Variants in WNT5B observed in about 807,000 individuals in gnomAD.
WNT5B encodes Wnt family member 5B.
In WNT5B, 18 loss-of-function variants were observed where a neutral mutation model predicts 36.5. The observed-to-expected ratio is 0.49, with a 90% CI of 0.34 to 0.73. The LOEUF is 0.73. Among genes scored for constraint, WNT5B ranks in the 30% least tolerant of loss-of-function variants. The pLI, the probability that WNT5B is intolerant of heterozygous loss-of-function variation, is 0.01. For synonymous variants in WNT5B, 213 were observed against 212.3 expected (o/e 1.00, Z -0.03); for missense variants, 424 against 508.4 (o/e 0.83, Z 1.60).
chr12:1,623,478 A>G (rs2094537144), intron 1 of WNT5B, among the ~76,000 whole-genome samples: 1 of 152,022 alleles, frequency 6.6e-6, no homozygotes, highest in Non-Finnish European at 1.5e-5. Flanking sequence ...TACAGGCTTG[A>G]GCCACCGCGC....
At chr12:1,626,569 ATT>A (rs1161632450), upstream of WNT5B, among the ~76,000 whole-genome samples, 1 of 116,940 alleles carries the variant, frequency 8.6e-6, no homozygotes, top group African/African-American at 3.1e-5. Context: ...GGCCAAGTGT[ATT>A]TTTTTTTTTT....
At position 1,646,325 on chromosome 12, in the gene WNT5B, C is replaced by T; in HGVS notation, c.*73C>T. ...CTATATTATATAAATCTATATAAAT[C>T]TATTTTATATTTGTATAAGTAAATG... On this transcript the variant is annotated 3_prime_UTR_variant, in exon 5 of 5. Transcript: ENST00000397196. 1 of 1,205,102 alleles carries T rather than the reference C, an allele frequency of 8.3e-7. No homozygotes were observed. The highest frequency in any genetic ancestry group is 2.2e-5 in the South Asian group (1 of 44,984). The allele number at this position is 1,205,102 out of a possible 1,614,324, so 74.7% of individuals were successfully genotyped here.
chr12:1,629,151 T>A (rs1388821838), upstream of WNT5B: 2 of 152,086 alleles, frequency 1.3e-5, no homozygotes, highest in African/African-American at 4.8e-5. Context: ...TCTCCATATA[T>A]GTTTATAAGG....
At chr12:1,625,007 T>G (rs1022056573), upstream of WNT5B, among the ~76,000 whole-genome samples, 4 of 151,994 alleles carry the variant, frequency 2.6e-5, no homozygotes, top group Non-Finnish European at 4.4e-5. Context: ...TAGTTTAATA[T>G]CTGGATTGCT....
chr12:1,635,183 C>T (rs985365655), intron 3 of WNT5B, among the ~76,000 whole-genome samples: 2 of 152,170 alleles, frequency 1.3e-5, no homozygotes, highest in Admixed American at 6.5e-5. Context: ...AGGCAGGCAG[C>T]GCACCGGAGG....
Position 1,631,283 on chromosome 12 carries a change from TTC to T in WNT5B, c.-57-13_-57-12del. On this transcript the variant is annotated splice_polypyrimidine_tract_variant and intron_variant, in intron 1 of 4. Transcript: ENST00000397196. ...CTGAGTTTCCACACTGACTCTCCAT[TTC>T]TGTTTTCTCCAGGGAACCCTACTCT... 6.3e-7 allele frequency: 1 copy of T among 1,593,154 alleles called. No individual in the cohort carries two copies.
At chr12:1,626,183 T>A (rs1055577624), upstream of WNT5B, among the ~76,000 whole-genome samples, 1 of 152,038 alleles carries the variant, frequency 6.6e-6, no homozygotes, top group Non-Finnish European at 1.5e-5. Context: ...GGTCTTGAAC[T>A]CCTGGGCTCA....
At position 1,632,906 on chromosome 12, in the gene WNT5B, G is replaced by A; in HGVS notation, c.328+1G>A. 6.2e-7 allele frequency: 1 copy of A among 1,604,628 alleles called. No individual in the cohort carries two copies. The highest frequency in any genetic ancestry group is 8.5e-7 in the Non-Finnish European group (1 of 1,172,528). ...GTCTTTGGGAGAGTCATGCAGATAG[G>A]TAAGAGGCCATTACAAGAGGGCTCG... On this transcript the variant is annotated splice_donor_variant, in intron 3 of 4. Coordinates refer to ENST00000397196, the MANE Select transcript of WNT5B (RefSeq NM_032642.3). LOFTEE classifies it high-confidence loss of function. The surrounding 1 kb of genome is among the most constrained non-coding windows in gnomAD (Gnocchi z 5.8).
chr12:1,639,304 A>AT (rs1223872397), intron 3 of WNT5B, among the ~76,000 whole-genome samples: 5 of 151,360 alleles, frequency 3.3e-5, no homozygotes, highest in Non-Finnish European at 5.9e-5. Context: ...CGCCCGGCTA[A>AT]TTTTTTGTAT....
chr12:1,635,455 A>C (rs77464112), intron 3 of WNT5B, among the ~76,000 whole-genome samples: 4,207 of 152,382 alleles, frequency 0.028, 85 homozygotes, highest in Non-Finnish European at 0.041. Context: ...GCAGAGTGCA[A>C]GTGCAGCAGG....
rs773205266 is a variant in WNT5B, at chr12:1,646,131, G to A, written c.959G>A (p.Gly320Glu). 1.2e-6 allele frequency: 2 copies of A among 1,613,828 alleles called. No homozygotes were observed. Among genetic ancestry groups the A allele is most frequent in the Admixed American group, 1.7e-5 (1 of 60,010 alleles). Residue 320 changes from glycine (G) to glutamate (E), a missense_variant, in exon 5 of 5, where the codon GGG (glycine) becomes GAG (glutamate). By Grantham distance (98) the Gly-to-Glu change is moderately conservative. Transcript: ENST00000397196. ...GATGGCTGTGAGCTCATGTGCTGCGGGCGTGGCTACAACCAGTTCAAGAGC... is the reference window on the plus strand; with the variant it reads ...GATGGCTGTGAGCTCATGTGCTGCGAGCGTGGCTACAACCAGTTCAAGAGC... ...GMDGCELMCCGRGYNQFKSVQ... is the reference protein window; with the variant it reads ...GMDGCELMCCERGYNQFKSVQ...
chr12:1,637,202 T>C (rs2094563420), intron 3 of WNT5B, among the ~76,000 whole-genome samples: 1 of 152,212 alleles, frequency 6.6e-6, no homozygotes, highest in East Asian at 1.9e-4. Flanking sequence ...ACATTTTGAT[T>C]ACCCATTTAT....
rs576177864 is a variant in WNT5B at position 1,623,243 on chromosome 12, C to A, written c.-58+6100C>A. ...CGGAGTCTCGCTCTTTAGCCCAGGC[C>A]GGACTGCAGTGGCACAGTCTCGGCT... On this transcript the variant is annotated intron_variant, in intron 1 of 4. Coordinates refer to the WNT5B transcript ENST00000310594. Among the ~76,000 whole-genome samples, 8 of 136,370 alleles carry A rather than the reference C, an allele frequency of 5.9e-5. No individual in the cohort carries two copies. In the East Asian group the frequency reaches 1.6e-3, roughly 28 times the overall value. The allele number at this position is 136,370 out of a possible 152,430, so 89.5% of individuals were successfully genotyped here. A position where few individuals can be genotyped will look rare whatever the true frequency, so the allele number is the denominator to read the frequency against.
In WNT5B at chr12:1,631,381, G is replaced by A. The variant is rs745750497; in HGVS notation, c.27G>A (p.Thr9=). The A allele has an allele frequency of 5.0e-6, 8 of 1,614,050 alleles. No homozygotes were observed. The highest frequency in any genetic ancestry group is 6.8e-6 in the Non-Finnish European group (8 of 1,180,044). Residue 9 remains threonine, a synonymous_variant, in exon 2 of 5, where the codon ACG becomes ACA. Coordinates refer to ENST00000397196, the MANE Select transcript of WNT5B (RefSeq NM_032642.3). ...TGCCCAGCCTGCTGCTGCTGTTCAC[G>A]GCTGCTCTGCTGTCCAGCTGGGCTC... is the stretch of plus-strand genomic sequence containing the variant. MPSLLLLF[T]AALLSSWAQL...
chr12:1,644,559 G>C lies in WNT5B; in HGVS notation c.622-1235G>C, dbSNP rs2094581755. Among the ~76,000 whole-genome samples the C allele has an allele frequency of 6.6e-6, 1 of 152,168 alleles. No individual in the cohort carries two copies. Among genetic ancestry groups the C allele is most frequent in the Non-Finnish European group, 1.5e-5 (1 of 68,024 alleles). The stretch of plus-strand genomic sequence containing the variant: ...CCTGCAGTGGTCTCTGCTTAGCTCT[G>C]AATAAAGACACAATCTGGGGGCTCT... On this transcript the variant is annotated intron_variant, in intron 4 of 4. Coordinates refer to ENST00000397196, the MANE Select transcript of WNT5B (RefSeq NM_032642.3). The surrounding 1 kb of genome is among the most constrained non-coding windows in gnomAD (Gnocchi z 5.1).
At chr12:1,637,448 A>T (rs973821585) in intron 3 of WNT5B, among the ~76,000 whole-genome samples, 1 of 152,148 alleles carries the variant, frequency 6.6e-6, no homozygotes, top group African/African-American at 2.4e-5. Context: ...TATAAAAGTT[A>T]TGCTGCGGGC....
intron 3 of WNT5B, among the ~76,000 whole-genome samples, chr12:1,634,923 T>A (rs1236438120): frequency 1.3e-5 from 2 of 152,344 alleles, no homozygotes; most frequent in East Asian, 3.9e-4. Context: ...AAGACGCATG[T>A]CCCTCTAGTA....
intron 1 of WNT5B, among the ~76,000 whole-genome samples, chr12:1,619,254 C>T (rs1470719505): frequency 6.6e-6 from 1 of 152,000 alleles, no homozygotes; most frequent in Non-Finnish European, 1.5e-5. Context: ...CTGATACAAC[C>T]CTCTCCCCGC....
intron 1 of WNT5B, among the ~76,000 whole-genome samples, chr12:1,621,036 A>G (rs967073616): frequency 6.7e-6 from 1 of 149,066 alleles, no homozygotes; most frequent in Non-Finnish European, 1.5e-5. Context: ...GCCATGGGGA[A>G]ATTCATTTAT....
Sources: allele counts gnomAD v4.1 joint callset (sites outside exome capture counted in the v4.1 genomes callset), GRCh38; gene constraint gnomAD v4.1.1; non-coding constraint Gnocchi (gnomAD v3.1); transcripts MANE v1.5; gene names NCBI Gene and HGNC (gene_info 2026-07-23, HGNC 2026-07-21).